Variants in FBXL17 observed in about 807,000 individuals in gnomAD.
FBXL17 encodes F-box and leucine rich repeat protein 17, also known as F-box/LRR-repeat protein 17.
A neutral mutation model predicts 66.2 loss-of-function variants in FBXL17; 22 were observed. The observed-to-expected ratio is 0.33, with a 90% confidence interval of 0.24 to 0.47. The LOEUF is 0.47. Among genes scored for constraint, FBXL17 ranks in the 20% least tolerant of loss-of-function variants. The pLI is 1.00. For synonymous variants in FBXL17, 474 were observed against 400.5 expected (o/e 1.18, Z -2.19); for missense variants, 878 against 948.2 (o/e 0.93, Z 0.97).
At chr5:107,863,897 G>T (rs1048148704) in intron 8 of FBXL17, among the ~76,000 whole-genome samples, 3 of 152,130 alleles carry the variant, frequency 2.0e-5, no homozygotes, top group Non-Finnish European at 4.4e-5. Flanking sequence ...ACCATGGCAG[G>T]CACCCTGCAA....
chr5:108,016,675 C>T (rs1238722174), intron 7 of FBXL17, among the ~76,000 whole-genome samples: 3 of 152,174 alleles, frequency 2.0e-5, no homozygotes, highest in African/African-American at 7.2e-5. Context: ...ACCACTTCCT[C>T]CACAGGCCTG....
intron 6 of FBXL17, among the ~76,000 whole-genome samples, chr5:108,041,017 T>C (rs1394258057): frequency 2.6e-5 from 4 of 152,194 alleles, no homozygotes; most frequent in Non-Finnish European, 4.4e-5. Context: ...GACCAGGTTA[T>C]ATAATCTCTG....
intron 7 of FBXL17, among the ~76,000 whole-genome samples, chr5:107,948,115 G>T (rs1016844692): frequency 6.6e-6 from 1 of 151,808 alleles, no homozygotes; most frequent in Non-Finnish European, 1.5e-5. Flanking sequence ...AAAAAAATAG[G>T]CTCCACTTTC....
chr5:108,001,009 G>C (rs751794667), intron 7 of FBXL17, among the ~76,000 whole-genome samples: 1 of 152,022 alleles, frequency 6.6e-6, no homozygotes, highest in Non-Finnish European at 1.5e-5. Context: ...ATGTACACAG[G>C]AAATTATAAA....
chr5:107,923,035 T>G (rs1323858327), intron 7 of FBXL17, among the ~76,000 whole-genome samples: 1 of 152,194 alleles, frequency 6.6e-6, no homozygotes, highest in Non-Finnish European at 1.5e-5. Flanking sequence ...CTTGTTATAG[T>G]GGCAAAGCCC....
At chr5:107,942,551 A>G (rs1204999215) in intron 7 of FBXL17, among the ~76,000 whole-genome samples, 4 of 152,124 alleles carry the variant, frequency 2.6e-5, no homozygotes, top group African/African-American at 9.7e-5. Flanking sequence ...ATGACTTCCA[A>G]GGGAGAGAAC....
rs1561390788 is a variant in FBXL17 at position 108,060,027 on chromosome 5, A to AT, written c.1746-39027dup. Reference sequence around the variant, plus strand: ...ATAAAAACCTATATATCCTGAATATATATATTTACATATTCATTTACTGAA... The same window carrying AT: ...ATAAAAACCTATATATCCTGAATATATTATATTTACATATTCATTTACTGAA... On this transcript the variant is annotated intron_variant, in intron 6 of 8. Coordinates refer to ENST00000542267, the MANE Select transcript of FBXL17 (RefSeq NM_001163315.3). Among the ~76,000 whole-genome samples the AT allele has an allele frequency of 2.0e-5, 3 of 150,482 alleles. No homozygotes were observed. In the Admixed American group the frequency reaches 2.0e-4, roughly 10 times the overall value.
intron 6 of FBXL17, among the ~76,000 whole-genome samples, chr5:108,042,338 T>A (rs1233422895): frequency 6.6e-6 from 1 of 152,220 alleles, no homozygotes; most frequent in East Asian, 1.9e-4. Context: ...ATATTGACAT[T>A]GATACAGTTG....
At chr5:108,342,237 C>T (rs1405964460) in intron 4 of FBXL17, among the ~76,000 whole-genome samples, 1 of 152,032 alleles carries the variant, frequency 6.6e-6, no homozygotes, top group Non-Finnish European at 1.5e-5. Context: ...ATCAAAATAT[C>T]ACAAAAATGT....
intron 6 of FBXL17, among the ~76,000 whole-genome samples, chr5:108,172,276 CTTCTT>C (rs1247061720): frequency 6.6e-6 from 1 of 152,176 alleles, no homozygotes; most frequent in Non-Finnish European, 1.5e-5. Flanking sequence ...AGTTGCAAGG[CTTCTT>C]GAAGCCAAAG....
chr5:107,973,518 C>A (rs34588969), intron 7 of FBXL17, among the ~76,000 whole-genome samples: 1 of 151,894 alleles, frequency 6.6e-6, no homozygotes, highest in Non-Finnish European at 1.5e-5. Context: ...GTCATACCTG[C>A]GCTCAGAAAA....
chr5:108,099,155 C>A (rs1749504539), intron 6 of FBXL17, among the ~76,000 whole-genome samples: 1 of 152,072 alleles, frequency 6.6e-6, no homozygotes, highest in African/African-American at 2.4e-5. Context: ...CATCCCCCAA[C>A]TAAGCAATAA....
At chr5:108,080,188 C>T (rs1308680647) in intron 6 of FBXL17, among the ~76,000 whole-genome samples, 1 of 152,154 alleles carries the variant, frequency 6.6e-6, no homozygotes, top group Non-Finnish European at 1.5e-5. Context: ...ATTTACCTTA[C>T]AGCAAAATTT....
At chr5:108,185,928 C>T (rs1362211318) in intron 6 of FBXL17, among the ~76,000 whole-genome samples, 189 bp downstream of exon 6, 1 of 152,166 alleles carries the variant, frequency 6.6e-6, no homozygotes, top group Non-Finnish European at 1.5e-5. Context: ...CACCTAAAAA[C>T]TTTGCTGCAC....
chr5:108,105,944 T>C lies in FBXL17; in HGVS notation c.1745+80173A>G, dbSNP rs552714507. ...AAAAGGAACAGGAGGAAGAATCTGA[T>C]CTTCTAATATATTTTACATATTGCT... On this transcript the variant is annotated intron_variant, in intron 6 of 8. Transcript: ENST00000542267. 1.2e-4 allele frequency among the ~76,000 whole-genome samples: 19 copies of C among 152,282 alleles called. No individual in the cohort carries two copies. In the South Asian group the frequency reaches 3.3e-3, roughly 27 times the overall value.
intron 4 of FBXL17, among the ~76,000 whole-genome samples, chr5:108,337,220 C>T (rs1760427809): frequency 6.7e-6 from 1 of 149,706 alleles, no homozygotes; most frequent in African/African-American, 2.5e-5. Flanking sequence ...CGTGCCACTG[C>T]ACTCCAGCCT....
intron 1 of FBXL17, among the ~76,000 whole-genome samples, 178 bp downstream of exon 1, chr5:108,380,521 T>C (rs538257424): frequency 6.6e-6 from 1 of 152,178 alleles, no homozygotes; most frequent in African/African-American, 2.4e-5. Context: ...GTGCTCCTAC[T>C]TCAAAAAATA....
intron 8 of FBXL17, chr5:107,880,630 C>T (rs566495426): frequency 2.6e-6 from 3 of 1,132,926 alleles, no homozygotes; most frequent in South Asian, 3.5e-5. Context: ...TTGTGAAAAA[C>T]CAATTTGGCA....
intron 4 of FBXL17, among the ~76,000 whole-genome samples, chr5:108,272,356 A>ATT (rs200279924): frequency 6.9e-6 from 1 of 145,644 alleles, no homozygotes; most frequent in African/African-American, 2.5e-5. Flanking sequence ...GTTAGCTATA[A>ATT]TTTTTTTTTT....
Sources: gnomAD v4.1 joint callset for allele counts (sites outside exome capture counted in the v4.1 genomes callset) on GRCh38, gnomAD v4.1.1 for gene constraint, MANE v1.5 for transcripts, NCBI Gene and HGNC (gene_info 2026-07-23, HGNC 2026-07-21) for gene names.